WDR89: variants seen among roughly 807,000 people sequenced by gnomAD.
WDR89 encodes WD repeat domain 89.
In WDR89, 17 loss-of-function variants were observed where a neutral mutation model predicts 29.1. The observed-to-expected ratio is 0.58, with a 90% CI of 0.40 to 0.88. WDR89 has a LOEUF of 0.88. Ranked by LOEUF, WDR89 falls within the 40% of genes least tolerant of loss-of-function variation. The pLI, the probability that WDR89 is intolerant of heterozygous loss-of-function variation, is 0.00. For synonymous variants in WDR89, 138 were observed against 157.8 expected (o/e 0.87, Z 0.94); for missense variants, 396 against 456.3 (o/e 0.87, Z 1.20).
intron 2 of WDR89, among the ~76,000 whole-genome samples, chr14:63,618,399 C>A (rs928746128): frequency 2.0e-5 from 3 of 152,136 alleles, no homozygotes; most frequent in African/African-American, 7.2e-5. Flanking sequence ...AAGCAATCTG[C>A]CTGCCTCAGC....
intron 1 of WDR89, among the ~76,000 whole-genome samples, chr14:63,634,946 G>A (rs1236443406): frequency 4.0e-5 from 6 of 151,588 alleles, no homozygotes; most frequent in South Asian, 2.1e-4. Context: ...GCTGAGGCAG[G>A]AGAATCGCTT....
chr14:63,607,018 G>A (rs952624011), intron 2 of WDR89, among the ~76,000 whole-genome samples: 1 of 152,158 alleles, frequency 6.6e-6, no homozygotes, highest in African/African-American at 2.4e-5. Flanking sequence ...TGCCCATGAG[G>A]CTTTAGAGGA....
In WDR89 at chr14:63,597,768, A is replaced by C. The variant is rs895061299; in HGVS notation, c.*1011T>G. 2 of 152,226 alleles carry C rather than the reference A, an allele frequency of 1.3e-5. No individual in the cohort carries two copies. Among genetic ancestry groups the C allele is most frequent in the African/African-American group, 4.8e-5 (2 of 41,460 alleles). The allele number at this position is 152,226 out of a possible 1,614,324, so 9.4% of individuals were successfully genotyped here. ...AAAACATCAATGTACTGAAGATTTT[A>C]AGCAGCATGAGGCACCATCACGTTT... On this transcript the variant is annotated 3_prime_UTR_variant, in exon 3 of 3. Transcript: ENST00000620954.
At chr14:63,604,986 C>A (rs1490531146) in intron 2 of WDR89, among the ~76,000 whole-genome samples, 2 of 151,904 alleles carry the variant, frequency 1.3e-5, no homozygotes, top group South Asian at 2.1e-4. Context: ...CTTCTCTACA[C>A]AAAAAATACA....
chr14:63,613,245 G>T (rs965877210), intron 2 of WDR89, among the ~76,000 whole-genome samples: 2 of 152,066 alleles, frequency 1.3e-5, no homozygotes, highest in Non-Finnish European at 2.9e-5. Flanking sequence ...GCGGTGAACA[G>T]ATCTGAAACA....
chr14:63,605,762 A>T (rs941679378), intron 2 of WDR89, among the ~76,000 whole-genome samples: 1 of 151,862 alleles, frequency 6.6e-6, no homozygotes, highest in Admixed American at 6.6e-5. Flanking sequence ...GCCCGGCAAG[A>T]CTATACTTTT....
At chr14:63,608,625 G>A (rs1881747690) in intron 2 of WDR89, among the ~76,000 whole-genome samples, 2 of 151,344 alleles carry the variant, frequency 1.3e-5, no homozygotes, top group Non-Finnish European at 2.9e-5. Flanking sequence ...TGTAAATACT[G>A]CAGTGAAGTA....
chr14:63,610,295 G>A (rs1304268466), intron 2 of WDR89, among the ~76,000 whole-genome samples: 3 of 147,306 alleles, frequency 2.0e-5, no homozygotes, highest in Admixed American at 2.0e-4. Context: ...AGTCCATACT[G>A]ATAAAAATGA....
intron 1 of WDR89, among the ~76,000 whole-genome samples, chr14:63,631,182 T>C (rs76252570): frequency 6.6e-6 from 1 of 152,152 alleles, no homozygotes; most frequent in Non-Finnish European, 1.5e-5. Context: ...ACACGAAGTA[T>C]ACGTATATCA....
At chr14:63,636,920 ATAAT>A (rs1883771139) in intron 1 of WDR89, among the ~76,000 whole-genome samples, 1 of 152,180 alleles carries the variant, frequency 6.6e-6, no homozygotes, top group African/African-American at 2.4e-5. Flanking sequence ...TAGCTGGGAC[ATAAT>A]TAAACTAAAG....
intron 1 of WDR89, among the ~76,000 whole-genome samples, chr14:63,632,504 A>T (rs1883472039): frequency 1.3e-5 from 2 of 152,026 alleles, no homozygotes; most frequent in Non-Finnish European, 2.9e-5. Context: ...ATGGTGGCGC[A>T]AACCTGTAGT....
intron 2 of WDR89, among the ~76,000 whole-genome samples, chr14:63,602,676 G>C (rs1337302421): frequency 6.6e-5 from 10 of 151,410 alleles, no homozygotes; most frequent in African/African-American, 2.4e-4. Flanking sequence ...GGAGGCTGAG[G>C]CAGGAGAATC....
intron 1 of WDR89, among the ~76,000 whole-genome samples, chr14:63,626,046 G>A (rs1032726677): frequency 1.3e-5 from 2 of 151,936 alleles, no homozygotes; most frequent in Non-Finnish European, 2.9e-5. Context: ...TAGAGATGGG[G>A]TTTCACCATG....
At chr14:63,619,003 T>C (rs1882498952) in intron 2 of WDR89, among the ~76,000 whole-genome samples, 1 of 152,144 alleles carries the variant, frequency 6.6e-6, no homozygotes, top group Non-Finnish European at 1.5e-5. Flanking sequence ...AACAATGAAA[T>C]GTGGGTCTAG....
intron 1 of WDR89, among the ~76,000 whole-genome samples, chr14:63,636,726 G>C (rs981981845): frequency 6.6e-6 from 1 of 152,194 alleles, no homozygotes; most frequent in Admixed American, 6.5e-5. Flanking sequence ...GAGGAAAAAT[G>C]AAACTGGATC....
intron 2 of WDR89, among the ~76,000 whole-genome samples, chr14:63,600,439 G>C (rs1231990785): frequency 6.6e-6 from 1 of 151,954 alleles, no homozygotes; most frequent in Non-Finnish European, 1.5e-5. Flanking sequence ...AGACTACAGT[G>C]ATCCATGATC....
chr14:63,606,168 A>C (rs903967875), intron 2 of WDR89, among the ~76,000 whole-genome samples: 28 of 152,016 alleles, frequency 1.8e-4, no homozygotes, highest in Admixed American at 1.8e-3. Context: ...AGCTGGTCTC[A>C]AACTTCTGGG....
intron 2 of WDR89, among the ~76,000 whole-genome samples, chr14:63,605,884 T>C (rs1397246189): frequency 6.6e-6 from 1 of 152,220 alleles, no homozygotes; most frequent in Non-Finnish European, 1.5e-5. Context: ...TCATAGAAGA[T>C]GACAACTCCA....
intron 1 of WDR89, among the ~76,000 whole-genome samples, chr14:63,626,966 C>G (rs550270683): frequency 1.5e-4 from 23 of 152,024 alleles, no homozygotes; most frequent in African/African-American, 5.1e-4. Flanking sequence ...AAAAAAAATA[C>G]AAAAATTAGC....
Sources: allele counts gnomAD v4.1 joint callset (sites outside exome capture counted in the v4.1 genomes callset), GRCh38; gene constraint gnomAD v4.1.1; transcripts MANE v1.5; gene names NCBI Gene and HGNC (gene_info 2026-07-23, HGNC 2026-07-21).